LOC122539214: variants seen among roughly 807,000 people sequenced by gnomAD.
At chr19:52,676,700 G>GA in the LOC122539214 span, among the ~76,000 whole-genome samples, 1 of 136,676 alleles carries the variant, frequency 7.3e-6, no homozygotes, top group Non-Finnish European at 1.6e-5. Context: ...GAAAGGTGGG[G>GA]AAAAGATTGA....
chr19:52,678,470 AAG>A, the LOC122539214 span, among the ~76,000 whole-genome samples: 8 of 151,552 alleles, frequency 5.3e-5, no homozygotes, highest in Non-Finnish European at 1.2e-4. Flanking sequence ...AAAAAGAAAA[AAG>A]AAAAAAAAAC....
At chr19:52,650,449 G>T in the LOC122539214 span, 1 of 152,096 alleles carries the variant, frequency 6.6e-6, no homozygotes, top group Non-Finnish European at 1.5e-5. Flanking sequence ...TAAAGATGGG[G>T]TTTCTCCATG....
At chr19:52,678,051 A>G in the LOC122539214 span, among the ~76,000 whole-genome samples, 1 of 150,796 alleles carries the variant, frequency 6.6e-6, no homozygotes, top group East Asian at 1.9e-4. Context: ...AAACAAAACA[A>G]AAAACAAAAC....
chr19:52,668,761 A>G, the LOC122539214 span, among the ~76,000 whole-genome samples: 1 of 152,250 alleles, frequency 6.6e-6, no homozygotes, highest in Admixed American at 6.5e-5. Context: ...GCTTGTGCAC[A>G]TGGCAGGCCA....
the LOC122539214 span, among the ~76,000 whole-genome samples, chr19:52,683,332 A>G: frequency 6.6e-6 from 1 of 151,738 alleles, no homozygotes; most frequent in East Asian, 1.9e-4. Flanking sequence ...CATCATCGCC[A>G]CTGGCCTGGC....
At chr19:52,653,145 G>T in the LOC122539214 span, 6 of 1,471,840 alleles carry the variant, frequency 4.1e-6, no homozygotes, top group African/African-American at 1.4e-5. Context: ...CATGACAGTT[G>T]TAAGGTTTTT....
chr19:52,679,693 C>T, the LOC122539214 span, among the ~76,000 whole-genome samples: 1 of 152,176 alleles, frequency 6.6e-6, no homozygotes, highest in Non-Finnish European at 1.5e-5. Flanking sequence ...TAACCTGGTC[C>T]ACGCTGACAA....
chr19:52,676,834 C>A, the LOC122539214 span, among the ~76,000 whole-genome samples: 1 of 131,572 alleles, frequency 7.6e-6, no homozygotes, highest in Non-Finnish European at 1.6e-5. Flanking sequence ...TACCCCCAAC[C>A]CGGTGCTCTC....
At chr19:52,683,101 TTCAAG>T in the LOC122539214 span, among the ~76,000 whole-genome samples, 1 of 152,092 alleles carries the variant, frequency 6.6e-6, no homozygotes, top group Non-Finnish European at 1.5e-5. Context: ...AACTCCTGAC[TTCAAG>T]TGATCCACCC....
At chr19:52,673,146 T>C in the LOC122539214 span, among the ~76,000 whole-genome samples, 1 of 151,936 alleles carries the variant, frequency 6.6e-6, no homozygotes, top group Admixed American at 6.6e-5. Flanking sequence ...GGAGCAGAGG[T>C]TGCAGTGAGT....
chr19:52,686,276 T>A, the LOC122539214 span, among the ~76,000 whole-genome samples: 20 of 151,324 alleles, frequency 1.3e-4, no homozygotes, highest in South Asian at 4.2e-3. Context: ...TAAATTGTTT[T>A]AAAAAAAAAT....
the LOC122539214 span, among the ~76,000 whole-genome samples, chr19:52,672,898 ATAAT>A: frequency 1.3e-5 from 2 of 152,248 alleles, no homozygotes; most frequent in Non-Finnish European, 2.9e-5. Context: ...TTAATCAGAA[ATAAT>A]TAATAAATAG....
the LOC122539214 span, among the ~76,000 whole-genome samples, chr19:52,687,645 A>AATGTG: frequency 2.6e-4 from 7 of 26,904 alleles, 3 homozygotes; most frequent in Non-Finnish European, 4.4e-4. Context: ...ATATATATAT[A>AATGTG]TATATATATA....
chr19:52,655,516 T>G, the LOC122539214 span: 1 of 1,429,768 alleles, frequency 7.0e-7, no homozygotes, highest in Non-Finnish European at 9.7e-7. Context: ...AGAGCCAAGA[T>G]AGACAAGGGC....
At chr19:52,672,871 T>C in the LOC122539214 span, among the ~76,000 whole-genome samples, 1 of 152,044 alleles carries the variant, frequency 6.6e-6, no homozygotes, top group African/African-American at 2.4e-5. Flanking sequence ...CCACCGTGCA[T>C]GGCAAAAAAG....
the LOC122539214 span, among the ~76,000 whole-genome samples, chr19:52,687,610 T>TGTGTA: frequency 2.1e-3 from 63 of 30,028 alleles, 22 homozygotes; most frequent in African/African-American, 9.1e-3. Context: ...TATATATATA[T>TGTGTA]AATGTGTATA....
chr19:52,652,349 C>T, the LOC122539214 span: 23,735 of 288,180 alleles, frequency 0.082, 1,113 homozygotes, highest in Middle Eastern at 0.11. Flanking sequence ...GAAGGAGAAT[C>T]GTATGAACCT....
chr19:52,660,359 G>A, the LOC122539214 span, among the ~76,000 whole-genome samples: 1 of 152,214 alleles, frequency 6.6e-6, no homozygotes, highest in South Asian at 2.1e-4. Context: ...GGCAGCCAGT[G>A]TGTTATTCTT....
the LOC122539214 span, among the ~76,000 whole-genome samples, chr19:52,678,679 C>G: frequency 6.6e-6 from 1 of 151,756 alleles, no homozygotes; most frequent in Non-Finnish European, 1.5e-5. Context: ...AATGTTTCAT[C>G]AAAAATATCT....
Sources: allele counts gnomAD v4.1 joint callset (sites outside exome capture counted in the v4.1 genomes callset), GRCh38; gene constraint gnomAD v4.1.1; transcripts MANE v1.5.